Variants in HMGB1 observed in about 807,000 individuals in gnomAD.
HMGB1 encodes high mobility group protein B1.
For synonymous variants in HMGB1, 81 were observed against 84.0 expected (o/e 0.96, Z 0.19); for missense variants, 79 against 253.5 (o/e 0.31, Z 4.67).
intron 1 of HMGB1, among the ~76,000 whole-genome samples, chr13:30,471,645 G>A (rs1025926551): frequency 1.6e-5 from 2 of 123,694 alleles, no homozygotes; most frequent in African/African-American, 6.2e-5. Flanking sequence ...ATGAGCCACC[G>A]TGCCCGGCCT....
At chr13:30,464,514 G>A (rs1056130) in intron 1 of HMGB1, 245,586 of 978,650 alleles carry the variant, frequency 0.25, 31,854 homozygotes, top group Non-Finnish European at 0.27. Flanking sequence ...CGCGGCCGAG[G>A]AGAGAGGACG....
intron 1 of HMGB1, among the ~76,000 whole-genome samples, chr13:30,604,989 C>T (rs1313151129): frequency 1.3e-5 from 2 of 152,100 alleles, no homozygotes; most frequent in East Asian, 1.9e-4. Flanking sequence ...TGACCATATT[C>T]GCTGAGGGAT....
intron 1 of HMGB1, among the ~76,000 whole-genome samples, chr13:30,605,392 C>A (rs189842620): frequency 1.3e-5 from 2 of 152,222 alleles, no homozygotes; most frequent in Non-Finnish European, 2.9e-5. Flanking sequence ...CAGAGGCACT[C>A]CGATGTTTAA....
rs137910704 is a variant in HMGB1, at chr13:30,457,241, G to A, written c.*4116C>T. ...TGGCCTCAAGTGATCCTCCCACCTC[G>A]GCCTCCCAAAGTGCTGGGATTATAA... is the stretch of plus-strand genomic sequence containing the variant. On this transcript the variant is annotated 3_prime_UTR_variant, in exon 5 of 5. Transcript: ENST00000341423. The A allele has an allele frequency of 6.6e-6, 1 of 152,082 alleles. No individual in the cohort carries two copies. Among genetic ancestry groups the A allele is most frequent in the Admixed American group, 6.6e-5 (1 of 15,252 alleles). 9.4% of individuals were successfully genotyped at this position (152,082 alleles called of 1,614,324 possible).
At chr13:30,595,703 C>T (rs538072719) in intron 1 of HMGB1, among the ~76,000 whole-genome samples, 10 of 152,242 alleles carry the variant, frequency 6.6e-5, no homozygotes, top group South Asian at 2.1e-4. Flanking sequence ...GAGGGCTGCA[C>T]GATCCAATTG....
intron 1 of HMGB1, among the ~76,000 whole-genome samples, chr13:30,575,147 T>C (rs929359288): frequency 2.6e-5 from 4 of 152,164 alleles, no homozygotes; most frequent in Admixed American, 6.5e-5. Context: ...AATGAAAAAA[T>C]AGTAGCCTTT....
chr13:30,542,679 C>A, intron 1 of HMGB1: 1 of 197,732 alleles, frequency 5.1e-6, no homozygotes. Flanking sequence ...TCAGGCTCTG[C>A]TTCCTGTTCC....
At chr13:30,538,566 CTTTTTCTTTCT>C (rs1225331413) in intron 1 of HMGB1, among the ~76,000 whole-genome samples, 5 of 67,504 alleles carry the variant, frequency 7.4e-5, no homozygotes, top group African/African-American at 4.2e-4. Flanking sequence ...TTTCTTTCTT[CTTTTTCTTTCT>C]TTCTTTCTTT....
At chr13:30,609,766 C>T (rs562020930) in intron 1 of HMGB1, among the ~76,000 whole-genome samples, 6 of 152,318 alleles carry the variant, frequency 3.9e-5, no homozygotes, top group African/African-American at 9.6e-5. Context: ...CCCGAATCCC[C>T]AAAGTCCACT....
At chr13:30,505,940 G>C (rs1460002690) in intron 1 of HMGB1, among the ~76,000 whole-genome samples, 1 of 151,746 alleles carries the variant, frequency 6.6e-6, no homozygotes, top group African/African-American at 2.4e-5. Context: ...CGCCAGGCTG[G>C]TCTTGAACCC....
chr13:30,538,580 CTTTCTTTTTCTTTCTTCTT>C (rs1868635603), intron 1 of HMGB1, among the ~76,000 whole-genome samples: 1 of 119,534 alleles, frequency 8.4e-6, no homozygotes, highest in Admixed American at 8.5e-5. Flanking sequence ...TTCTTTCTTT[CTTTCTTTTTCTTTCTTCTT>C]TTTCTTTCTT....
chr13:30,597,684 CTTTT>C (rs1871677824), intron 1 of HMGB1, among the ~76,000 whole-genome samples: 1 of 152,178 alleles, frequency 6.6e-6, no homozygotes, highest in Non-Finnish European at 1.5e-5. Context: ...GAACAGCACA[CTTTT>C]TCTGCAAAAG....
At chr13:30,614,376 T>C (rs1375831107) in intron 1 of HMGB1, among the ~76,000 whole-genome samples, 2 of 152,236 alleles carry the variant, frequency 1.3e-5, no homozygotes, top group Non-Finnish European at 2.9e-5. Context: ...ACATGGAATG[T>C]TGAAACTATA....
intron 1 of HMGB1, among the ~76,000 whole-genome samples, chr13:30,552,604 T>C (rs1869479867): frequency 6.6e-6 from 1 of 152,202 alleles, no homozygotes; most frequent in Non-Finnish European, 1.5e-5. Flanking sequence ...CACTATCATA[T>C]TGTCTATTTT....
At chr13:30,505,564 G>A (rs561747225) in intron 1 of HMGB1, among the ~76,000 whole-genome samples, 53 of 151,946 alleles carry the variant, frequency 3.5e-4, no homozygotes, top group African/African-American at 1.3e-3. Flanking sequence ...ACCCACCTTG[G>A]CCTCCCAAAG....
At chr13:30,553,247 T>C (rs779064668) in intron 1 of HMGB1, among the ~76,000 whole-genome samples, 9 of 152,176 alleles carry the variant, frequency 5.9e-5, no homozygotes, top group African/African-American at 1.9e-4. Context: ...TCACAGTCTA[T>C]TCCTTGGTGT....
chr13:30,462,990 C>T (rs974034421), intron 3 of HMGB1, among the ~76,000 whole-genome samples: 9 of 152,192 alleles, frequency 5.9e-5, no homozygotes, highest in Non-Finnish European at 1.3e-4. Context: ...AGGAGATACA[C>T]TGGGCAAAGG....
chr13:30,514,805 C>A (rs1386628395), intron 1 of HMGB1, among the ~76,000 whole-genome samples: 2 of 152,080 alleles, frequency 1.3e-5, no homozygotes, highest in Non-Finnish European at 2.9e-5. Flanking sequence ...GCCTAACTAT[C>A]ATCTTTTAAC....
At chr13:30,603,592 T>G (rs1224345751) in intron 1 of HMGB1, among the ~76,000 whole-genome samples, 1 of 152,186 alleles carries the variant, frequency 6.6e-6, no homozygotes, top group Non-Finnish European at 1.5e-5. Context: ...TCAGTATCTG[T>G]GGGGAATTGG....
Sources: gnomAD v4.1 joint callset for allele counts (sites outside exome capture counted in the v4.1 genomes callset) on GRCh38, gnomAD v4.1.1 for gene constraint, MANE v1.5 for transcripts, NCBI Gene and HGNC (gene_info 2026-07-23, HGNC 2026-07-21) for gene names.